CYP11B2: variants seen among roughly 807,000 people sequenced by gnomAD.
CYP11B2 encodes cytochrome P450 11B2, mitochondrial.
In CYP11B2, 38 loss-of-function variants were observed where a neutral mutation model predicts 49.3. That is an observed-to-expected ratio of 0.77 (90% CI 0.59 to 1.01). The LOEUF (loss-of-function observed/expected upper bound fraction) is 1.01, where lower values mean the gene tolerates loss of function less well. Ranked by LOEUF, CYP11B2 falls within the 50% of genes least tolerant of loss-of-function variation. CYP11B2 has a pLI of 0.00. For synonymous variants in CYP11B2, 290 were observed against 269.3 expected, an observed-to-expected ratio of 1.08 and a Z score of -0.75; for missense variants, 669 against 655.5, an observed-to-expected ratio of 1.02 and a Z score of -0.23.
chr8:142,915,325 C>T lies in CYP11B2; in HGVS notation c.396-80G>A, dbSNP rs1817626126. 2.3e-6 allele frequency: 3 copies of T among 1,299,258 alleles called. No individual in the cohort carries two copies. In the African/African-American group the frequency reaches 4.4e-5, roughly 19 times the overall value. The allele number at this position is 1,299,258 out of a possible 1,614,324, so 80.5% of individuals were successfully genotyped here. A position where few individuals can be genotyped will look rare whatever the true frequency, so the allele number is the denominator to read the frequency against. ...ACCCGTATCCCATCCTCCTTGTCCC[C>T]AAGGGGAATCGGCCTGCAGGGAGCT... On this transcript the variant is annotated intron_variant, in intron 2 of 8. Transcript: ENST00000323110.
At chr8:142,916,048 C>G (rs10090037) in intron 2 of CYP11B2, among the ~76,000 whole-genome samples, 137,829 of 152,162 alleles carry the variant, frequency 0.91, 63,301 homozygotes, top group Non-Finnish European at 0.98. Context: ...TGCACACACA[C>G]AGACACTTGT....
At position 142,915,124 on chromosome 8, in the gene CYP11B2, T is replaced by C. The variant is rs371898980; in HGVS notation, c.517A>G (p.Lys173Glu). The C allele has an allele frequency of 3.1e-6, 5 of 1,613,686 alleles. No homozygotes were observed. Among genetic ancestry groups the C allele is most frequent in the African/African-American group, 1.3e-5 (1 of 74,892 alleles). ...AVARDFSQAL[K>E]KKVLQNARGS... is the part of the protein sequence containing the mutation. ...CGGGCGTTCTGCAGCACCTTCTTCT[T>C]CAGGGCCTGGGAGAAGTCCCTGGCC... is the stretch of plus-strand genomic sequence containing the variant. The change falls in exon 3 of 9, where the codon AAG (lysine) becomes GAG (glutamate). Residue 173 changes from lysine (K) to glutamate (E), a missense_variant. Physicochemically the swap from Lys to Glu is moderately conservative, Grantham distance 56. Transcript: ENST00000323110.
intron 2 of CYP11B2, among the ~76,000 whole-genome samples, chr8:142,916,200 C>T (rs539453244): frequency 1.3e-5 from 2 of 152,142 alleles, no homozygotes; most frequent in Non-Finnish European, 2.9e-5. Flanking sequence ...TTCCATTATG[C>T]GCACCCAGCC....
At chr8:142,916,583 G>C (rs182128784) in intron 2 of CYP11B2, 1 of 395,476 alleles carries the variant, frequency 2.5e-6, no homozygotes, top group Non-Finnish European at 5.1e-6. Flanking sequence ...CTCCTGCCCC[G>C]GACTGTCCCC....
intron 6 of CYP11B2, among the ~76,000 whole-genome samples, 169 bp from the exon 7 acceptor site, chr8:142,913,054 G>A (rs35733998): frequency 0.12 from 16,346 of 138,064 alleles, 1,696 homozygotes; most frequent in East Asian, 0.48. Context: ...CCCCTAACTT[G>A]AGAAGCCCCA....
chr8:142,916,430 G>A (rs1178085652), intron 2 of CYP11B2: 1 of 456,634 alleles, frequency 2.2e-6, no homozygotes, highest in Non-Finnish European at 4.4e-6. Context: ...CCGACTCCAA[G>A]CATCAGCCTC....
At chr8:142,912,157 T>G (rs575509096) in intron 8 of CYP11B2, 64 bp from the exon 9 acceptor site, 6 of 1,608,554 alleles carry the variant, frequency 3.7e-6, no homozygotes, top group Non-Finnish European at 5.1e-6. Flanking sequence ...GGCAGCTTCC[T>G]CCCATCGTCC....
At position 142,915,250 on chromosome 8, in the gene CYP11B2, A is replaced by G. The variant is rs768563924; in HGVS notation, c.396-5T>C. 6.8e-6 allele frequency: 11 copies of G among 1,608,828 alleles called. No homozygotes were observed. Among genetic ancestry groups the G allele is most frequent in the Non-Finnish European group, 9.3e-6 (11 of 1,177,918 alleles). ...AAGCGCCATTCAGGCCCATTCCTAC[A>G]GAGGCCAGGGCAGAGCTTGTGAGGC... is the stretch of plus-strand genomic sequence containing the variant. On this transcript the variant is annotated splice_polypyrimidine_tract_variant and splice_region_variant and intron_variant, in intron 2 of 8. Transcript: ENST00000323110.
In CYP11B2 at chr8:142,913,379, C is replaced by T. The variant is rs376776280; in HGVS notation, c.1027G>A (p.Glu343Lys). ...NPDVQQILRQ[E>K]SLAAAASISE... ...ATGCTGGCTGCGGCGGCCAGGCTCTCCTGGCGCAGGATCTGCTGCACGTCG... is the reference window on the plus strand; with the variant it reads ...ATGCTGGCTGCGGCGGCCAGGCTCTTCTGGCGCAGGATCTGCTGCACGTCG... The change falls in exon 6 of 9, where the codon GAG (glutamate) becomes AAG (lysine). Residue 343 changes from glutamate to lysine, a missense_variant. Glu to Lys is a moderately conservative substitution (Grantham distance 56). Transcript: ENST00000323110. 1.9e-6 allele frequency: 3 copies of T among 1,613,936 alleles called. No homozygotes were observed. The highest frequency in any genetic ancestry group is 1.3e-5 in the African/African-American group (1 of 75,038).
Position 142,913,440 on chromosome 8 carries a change from G to T in CYP11B2, c.966C>A (p.Pro322=), listed in dbSNP as rs769609817. The part of the protein sequence containing the change: ...TAGSVDTTAF[P]LLMTLFELAR... Reference sequence around the variant, plus strand: ...CCAGCTCAAAGAGCGTCATCAGCAAGGGAAACGCTGTCTACAGAAGCCATG... The same window carrying T: ...CCAGCTCAAAGAGCGTCATCAGCAATGGAAACGCTGTCTACAGAAGCCATG... The change falls in exon 6 of 9, where the codon CCC becomes CCA. Residue 322 remains proline (P), a synonymous_variant. Transcript: ENST00000323110. 4 of 1,614,066 alleles carry T rather than the reference G, an allele frequency of 2.5e-6. No individual in the cohort carries two copies. In the Admixed American group the frequency reaches 6.7e-5, roughly 27 times the overall value.
chr8:142,917,156 G>A lies in CYP11B2; in HGVS notation c.298C>T (p.Leu100=). 1 of 1,614,176 alleles carries A rather than the reference G, an allele frequency of 6.2e-7. No homozygotes were observed. Among genetic ancestry groups the A allele is most frequent in the Non-Finnish European group, 8.5e-7 (1 of 1,180,042 alleles). ...GGATGCAGGCTGTCCACCTGTTGCA[G>A]CTTCTCCACATCCTCCGGCAGCATC... The part of the protein sequence containing the change: ...CVMLPEDVEK[L]QQVDSLHPCR... The change falls in exon 2 of 9, where the codon CTG becomes TTG. Residue 100 remains leucine (L), a synonymous_variant. Transcript: ENST00000323110.
In CYP11B2 at chr8:142,913,296, C is replaced by A; in HGVS notation, c.1110G>T (p.Lys370Asn). The A allele has an allele frequency of 6.2e-7, 1 of 1,613,666 alleles. No individual in the cohort carries two copies. Among genetic ancestry groups the A allele is most frequent in the Non-Finnish European group, 8.5e-7 (1 of 1,179,966 alleles). Residue 370 changes from lysine to asparagine, a missense_variant, in exon 6 of 9, where the codon AAG (lysine) becomes AAT (asparagine). By Grantham distance (94) the Lys-to-Asn change is moderately conservative. Transcript: ENST00000323110. ...TELPLLRAAL[K>N]ETLRLYPVGL... is the part of the protein sequence containing the mutation. ...CAGCCAGCACCCACCGCAAGGTCTC[C>A]TTGAGGGCCGCCCGCAGCAAGGGCA...
chr8:142,914,074 G>A, intron 5 of CYP11B2, 190 bp downstream of exon 5: 1 of 716,180 alleles, frequency 1.4e-6, no homozygotes, highest in Non-Finnish European at 2.5e-6. Flanking sequence ...TCATGTGAGG[G>A]GGAGCTCACA....
In CYP11B2 at chr8:142,915,194, C is replaced by T. The variant is rs1817622671; in HGVS notation, c.447G>A (p.Leu149=). 4 of 1,614,072 alleles carry T rather than the reference C, an allele frequency of 2.5e-6. No individual in the cohort carries two copies. The South Asian group carries it at 3.3e-5, about 13-fold the overall frequency. ...FNRLRLNPDV[L]SPKAVQRFLP... ...GGAACCTCTGCACGGCCTTGGGCGA[C>T]AGCACATCTGGGTTCAGCCGCAATC... is the stretch of plus-strand genomic sequence containing the variant. Residue 149 remains leucine (L), a synonymous_variant, in exon 3 of 9, where the codon CTG becomes CTA. Coordinates refer to ENST00000323110, the MANE Select transcript of CYP11B2 (RefSeq NM_000498.3).
chr8:142,913,941 C>T (rs1426271609), intron 5 of CYP11B2: 17 of 527,232 alleles, frequency 3.2e-5, no homozygotes, highest in Admixed American at 9.0e-5. Context: ...CCTCTCAACC[C>T]TCCTTCTCCT....
At position 142,913,429 on chromosome 8, in the gene CYP11B2, G is replaced by C. The variant is rs377490679; in HGVS notation, c.977C>G (p.Thr326Arg). Reference sequence around the variant, plus strand: ...GGGGTTCCGAGCCAGCTCAAAGAGCGTCATCAGCAAGGGAAACGCTGTCTA... The same window carrying C: ...GGGGTTCCGAGCCAGCTCAAAGAGCCTCATCAGCAAGGGAAACGCTGTCTA... ...VDTTAFPLLM[T>R]LFELARNPDV... The change falls in exon 6 of 9, where the codon ACG (threonine) becomes AGG (arginine). Residue 326 changes from threonine to arginine, a missense_variant. By Grantham distance (71) the Thr-to-Arg change is moderately conservative (BLOSUM62 -1). Transcript: ENST00000323110. The C allele has an allele frequency of 6.2e-7, 1 of 1,613,930 alleles. No homozygotes were observed. The highest frequency in any genetic ancestry group is 1.3e-5 in the African/African-American group (1 of 74,918).
Position 142,915,202 on chromosome 8 carries a change from C to T in CYP11B2, c.439G>A (p.Asp147Asn). 1 of 1,614,198 alleles carries T rather than the reference C, an allele frequency of 6.2e-7. No individual in the cohort carries two copies. Among genetic ancestry groups the T allele is most frequent in the Non-Finnish European group, 8.5e-7 (1 of 1,180,000 alleles). The change falls in exon 3 of 9, where the codon GAT becomes AAT. Residue 147 changes from aspartate (D) to asparagine (N), a missense_variant. Asp to Asn is a conservative substitution (Grantham distance 23, BLOSUM62 1). Coordinates refer to ENST00000323110, the MANE Select transcript of CYP11B2 (RefSeq NM_000498.3). ...WRFNRLRLNP[D>N]VLSPKAVQRF... The stretch of plus-strand genomic sequence containing the variant: ...TGCACGGCCTTGGGCGACAGCACAT[C>T]TGGGTTCAGCCGCAATCGGTTGAAG...
In CYP11B2 at chr8:142,917,226, A is replaced by T; in HGVS notation, c.240-12T>A. The T allele has an allele frequency of 6.2e-7, 1 of 1,613,606 alleles. No individual in the cohort carries two copies. Among genetic ancestry groups the T allele is most frequent in the South Asian group, 1.1e-5 (1 of 91,080 alleles). ...CTCCCAAGTTGTACCTGTGGGGCCA[A>T]GCAGGAGGCCCTGCTGGACGGGGTC... On this transcript the variant is annotated splice_polypyrimidine_tract_variant and intron_variant, in intron 1 of 8. Transcript: ENST00000323110.
At chr8:142,915,902 G>C (rs1817636414) in intron 2 of CYP11B2, among the ~76,000 whole-genome samples, 2 of 152,174 alleles carry the variant, frequency 1.3e-5, no homozygotes, top group Admixed American at 1.3e-4. Context: ...CCAGCTGGCT[G>C]CTGTGAGCTG....
Sources: gnomAD v4.1 joint callset for allele counts (sites outside exome capture counted in the v4.1 genomes callset) on GRCh38, gnomAD v4.1.1 for gene constraint, MANE v1.5 for transcripts, NCBI Gene and HGNC (gene_info 2026-07-23, HGNC 2026-07-21) for gene names.